The following DST variants were observed in gnomAD, a reference collection of about 807,000 sequenced individuals.
DST encodes the protein dystonin, also known as bullous pemphigoid antigen.
In DST, 253 loss-of-function variants were observed where a neutral mutation model predicts 875.2. The ratio of observed to expected loss-of-function variants is 0.29; its 90% CI spans 0.26 to 0.32. The LOEUF (loss-of-function observed/expected upper bound fraction) is 0.32. Among genes scored for constraint, DST ranks in the 10% least tolerant of loss-of-function variants. DST has a pLI of 1.00. For synonymous variants in DST, 3,124 were observed against 3,197.1 expected (o/e 0.98, Z 0.77); for missense variants, 8,287 against 9,111.6 (o/e 0.91, Z 3.68).
At position 56,607,088 on chromosome 6, in the gene DST, A is replaced by T; in HGVS notation, c.7540T>A (p.Ser2514Thr). ...QYGQKSLNMI[S>T]SNPQVQYHND... is the part of the protein sequence containing the mutation. Reference sequence around the variant, plus strand: ...TGATATTGTACTTGAGGATTACTAGAAATCATATTTAAAGATTTCTGTCCA... The same window carrying T: ...TGATATTGTACTTGAGGATTACTAGTAATCATATTTAAAGATTTCTGTCCA... Residue 2514 changes from serine to threonine, a missense_variant, in exon 40 of 104, where the codon TCT (serine) becomes ACT (threonine). Physicochemically the swap from Ser to Thr is moderately conservative, Grantham distance 58. This residue lies in a region of DST where 3,138 missense variants were observed against 3,116.6 expected (regional missense o/e 1.01). Coordinates refer to ENST00000680361, the MANE Select transcript of DST (RefSeq NM_001374736.1). 6.2e-7 allele frequency: 1 copy of T among 1,613,234 alleles called. No homozygotes were observed. Among genetic ancestry groups the T allele is most frequent in the Non-Finnish European group, 8.5e-7 (1 of 1,179,560 alleles).
chr6:56,622,670 G>A (rs1346622965), intron 36 of DST, among the ~76,000 whole-genome samples: 1 of 150,196 alleles, frequency 6.7e-6, no homozygotes, highest in Non-Finnish European at 1.5e-5. Flanking sequence ...TTGCTGACTT[G>A]CTTTCTTGTG....
chr6:56,555,489 G>C lies in DST; in HGVS notation c.14992C>G (p.Gln4998Glu), dbSNP rs757094197. Residue 4998 changes from glutamine to glutamate, a missense_variant, in exon 60 of 104, where the codon CAG becomes GAG. Transcript: ENST00000680361. ...ETAQKMKQEI[Q>E]QEKKQIKVAQ... ...ACTTTTATCTGCTTCTTTTCCTGCT[G>C]TATCTCCTGCTTCATTTTTTGGGCT... The C allele has an allele frequency of 6.2e-7, 1 of 1,613,966 alleles. No homozygotes were observed. The highest frequency in any genetic ancestry group is 1.7e-5 in the Admixed American group (1 of 60,012).
intron 58 of DST, among the ~76,000 whole-genome samples, chr6:56,559,897 A>G (rs2097507446): frequency 6.6e-6 from 1 of 152,130 alleles, no homozygotes; most frequent in African/African-American, 2.4e-5. Context: ...AAGTAACTCC[A>G]TGAAGGAGAA....
At chr6:56,813,996 G>C (rs2099763724) in intron 4 of DST, among the ~76,000 whole-genome samples, 1 of 152,036 alleles carries the variant, frequency 6.6e-6, no homozygotes, top group African/African-American at 2.4e-5. Context: ...ATAAAAATCT[G>C]TATCTTTCAT....
At chr6:56,674,537 T>C (rs1478718605) in intron 9 of DST, among the ~76,000 whole-genome samples, 1 of 152,160 alleles carries the variant, frequency 6.6e-6, no homozygotes, top group Admixed American at 6.5e-5. Context: ...CCTCGGGTGA[T>C]TCACCCGCTT....
chr6:56,698,135 C>T (rs2099273871), intron 9 of DST, among the ~76,000 whole-genome samples: 1 of 152,016 alleles, frequency 6.6e-6, no homozygotes, highest in Non-Finnish European at 1.5e-5. Context: ...CCTTTGATTA[C>T]CTGGATCTCC....
intron 17 of DST, 111 bp downstream of exon 17, chr6:56,641,836 A>G: frequency 1.2e-6 from 1 of 864,896 alleles, no homozygotes; most frequent in Non-Finnish European, 1.7e-6. Context: ...CAACTAAAAA[A>G]CAGCAAAGAA....
intron 2 of DST, among the ~76,000 whole-genome samples, chr6:56,901,890 CT>C (rs923469023): frequency 5.3e-5 from 8 of 152,094 alleles, no homozygotes; most frequent in Non-Finnish European, 8.8e-5. Flanking sequence ...TTACAATTTA[CT>C]GGAGAGCAGA....
At chr6:56,833,914 T>TA (rs879869200) in intron 4 of DST, among the ~76,000 whole-genome samples, 134 of 137,914 alleles carry the variant, frequency 9.7e-4, no homozygotes, top group East Asian at 7.1e-3. Flanking sequence ...AACTCAACAA[T>TA]AAAAAAAAAA....
Position 56,753,328 on chromosome 6 carries a change from T to C in DST, c.626-18039A>G, listed in dbSNP as rs560813867. Among the ~76,000 whole-genome samples the C allele has an allele frequency of 6.6e-5, 10 of 152,280 alleles. No individual in the cohort carries two copies. The South Asian group carries it at 2.1e-3, about 32-fold the overall frequency. ...GAAAACAGTGAACAGAACATTCAAA[T>C]GGCTGCATATAAGCATTTTCCTCTC... On this transcript the variant is annotated intron_variant, in intron 4 of 103. Transcript: ENST00000680361.
chr6:56,527,021 C>A (rs1209090423), intron 68 of DST, among the ~76,000 whole-genome samples: 1 of 152,112 alleles, frequency 6.6e-6, no homozygotes, highest in Non-Finnish European at 1.5e-5. Context: ...TGAGCCTGAC[C>A]TCACCAACTC....
intron 4 of DST, among the ~76,000 whole-genome samples, chr6:56,756,323 T>C (rs144870150): frequency 5.9e-5 from 9 of 152,108 alleles, no homozygotes; most frequent in Non-Finnish European, 1.2e-4. Context: ...GAAGATCACA[T>C]GGGCCAGGAA....
chr6:56,786,555 C>T (rs761152196), intron 4 of DST, among the ~76,000 whole-genome samples: 2 of 152,164 alleles, frequency 1.3e-5, no homozygotes, highest in Non-Finnish European at 2.9e-5. Context: ...GTTTTTGAGA[C>T]AGAGTCTCGC....
intron 4 of DST, among the ~76,000 whole-genome samples, chr6:56,849,411 AG>A (rs1475696620): frequency 6.6e-6 from 1 of 152,180 alleles, no homozygotes; most frequent in Non-Finnish European, 1.5e-5. Context: ...CTGGGATTAC[AG>A]GCATGAGCCA....
At chr6:56,717,033 A>G (rs957479752) in intron 5 of DST, among the ~76,000 whole-genome samples, 4 of 151,996 alleles carry the variant, frequency 2.6e-5, no homozygotes, top group African/African-American at 9.7e-5. Flanking sequence ...AATACAAAAA[A>G]TTAGCTGGGC....
chr6:56,797,261 A>C (rs998541220), intron 4 of DST, among the ~76,000 whole-genome samples: 3 of 152,200 alleles, frequency 2.0e-5, no homozygotes, highest in African/African-American at 7.2e-5. Context: ...TCCAACAACC[A>C]GCCACCATAC....
At chr6:56,543,367 A>G (rs111843614) in intron 61 of DST, among the ~76,000 whole-genome samples, 1,986 of 152,274 alleles carry the variant, frequency 0.013, 45 homozygotes, top group African/African-American at 0.045. Context: ...TATTCCTACC[A>G]GTGAGGGGCT....
intron 3 of DST, among the ~76,000 whole-genome samples, chr6:56,870,481 A>G (rs1382078895): frequency 6.6e-6 from 1 of 151,040 alleles, no homozygotes; most frequent in Non-Finnish European, 1.5e-5. Flanking sequence ...GTCACAAAGC[A>G]GCCAGGCACA....
intron 2 of DST, among the ~76,000 whole-genome samples, chr6:56,904,850 C>T (rs768860659): frequency 5.3e-5 from 8 of 152,160 alleles, no homozygotes; most frequent in Non-Finnish European, 1.2e-4. Flanking sequence ...AGTGCAGTGG[C>T]GCAATATCGG....
Sources: gnomAD v4.1 joint callset for allele counts (sites outside exome capture counted in the v4.1 genomes callset) on GRCh38, gnomAD v4.1.1 for gene constraint, gnomAD v4.1.1 regional missense constraint, MANE v1.5 for transcripts, NCBI Gene and HGNC (gene_info 2026-07-23, HGNC 2026-07-21) for gene names.